PRR5L: variants seen among roughly 807,000 people sequenced by gnomAD.
PRR5L encodes the protein proline-rich protein 5-like.
Under a neutral mutation model 36.4 loss-of-function variants are expected in PRR5L, and 21 were observed. The observed-to-expected ratio is 0.58, with a 90% CI of 0.41 to 0.83. PRR5L has a LOEUF of 0.83. Ranked by LOEUF, PRR5L falls within the 40% of genes least tolerant of loss-of-function variation. The pLI is 0.00. For missense variants in PRR5L, 381 were observed against 473.3 expected (o/e 0.80, Z 1.81); for synonymous variants, 188 against 197.0 (o/e 0.95, Z 0.38).
chr11:36,425,523 C>A, intron 4 of PRR5L: 1 of 152,216 alleles, frequency 6.6e-6, no homozygotes, highest in Admixed American at 6.5e-5. Flanking sequence ...TGTCTTCCTT[C>A]TTCCTTATAA....
chr11:36,328,729 A>G (rs761105929), intron 1 of PRR5L, among the ~76,000 whole-genome samples: 2 of 152,182 alleles, frequency 1.3e-5, no homozygotes, highest in African/African-American at 4.8e-5. Context: ...CTGGGTTGCA[A>G]AACTCCCACA....
At chr11:36,323,633 CA>C (rs1420998064) in intron 1 of PRR5L, among the ~76,000 whole-genome samples, 2 of 152,178 alleles carry the variant, frequency 1.3e-5, no homozygotes, top group East Asian at 3.8e-4. Flanking sequence ...TTTTTGCTGA[CA>C]CTATTTTGAT....
intron 1 of PRR5L, among the ~76,000 whole-genome samples, chr11:36,327,038 A>T (rs897939496): frequency 3.9e-5 from 6 of 152,230 alleles, no homozygotes; most frequent in Non-Finnish European, 7.3e-5. Context: ...CCATTGGACA[A>T]GCAGAATAAT....
intron 1 of PRR5L, among the ~76,000 whole-genome samples, chr11:36,385,706 G>T (rs1172776542): frequency 6.6e-6 from 1 of 152,240 alleles, no homozygotes; most frequent in African/African-American, 2.4e-5. Context: ...GTGAGAGTCA[G>T]TGTTCATTCT....
At chr11:36,441,265 A>AAG (rs893437359) in intron 6 of PRR5L, among the ~76,000 whole-genome samples, 2 of 152,248 alleles carry the variant, frequency 1.3e-5, no homozygotes, top group African/African-American at 4.8e-5. Context: ...TTGTAAAATC[A>AAG]AGAATAAGTT....
At chr11:36,328,193 G>A (rs549474633) in intron 1 of PRR5L, among the ~76,000 whole-genome samples, 6 of 152,232 alleles carry the variant, frequency 3.9e-5, no homozygotes, top group African/African-American at 1.4e-4. Flanking sequence ...AAGAGGGAGA[G>A]AAGAACACTT....
At chr11:36,380,069 C>G (rs1434029686) in intron 1 of PRR5L, among the ~76,000 whole-genome samples, 1 of 152,084 alleles carries the variant, frequency 6.6e-6, no homozygotes, top group Non-Finnish European at 1.5e-5. Flanking sequence ...CCCAGGGTCC[C>G]AAGTTCTCAA....
At chr11:36,345,523 C>T (rs955538584) in intron 1 of PRR5L, among the ~76,000 whole-genome samples, 1 of 152,126 alleles carries the variant, frequency 6.6e-6, no homozygotes, top group Non-Finnish European at 1.5e-5. Context: ...AAAAAACAGA[C>T]ATAGTTTTTG....
At chr11:36,459,133 G>A (rs9630172) in intron 8 of PRR5L, among the ~76,000 whole-genome samples, 12,210 of 152,206 alleles carry the variant, frequency 0.08, 667 homozygotes, top group African/African-American at 0.15. Context: ...AGGCCAGACC[G>A]GTTGCAGTGG....
At position 36,408,281 on chromosome 11, in the gene PRR5L, CAA is replaced by C. The variant is rs67856480; in HGVS notation, c.245+4916_245+4917del. Reference sequence around the variant, plus strand: ...TGGGGGACAGAGAGAGAATTTGTCTCAAAAAAAAAAAAAATCCATCAGAAACG... The same window carrying C: ...TGGGGGACAGAGAGAGAATTTGTCTCAAAAAAAAAAAATCCATCAGAAACG... On this transcript the variant is annotated intron_variant, in intron 3 of 8. Transcript: ENST00000530639. Among the ~76,000 whole-genome samples, 1,213 of 138,440 alleles carry C rather than the reference CAA, an allele frequency of 8.8e-3. 21 individuals carry two copies. The highest frequency in any genetic ancestry group is 0.03 in the African/African-American group (1,144 of 38,558). 90.8% of individuals were successfully genotyped at this position (138,440 alleles called of 152,430 possible). A position where few individuals can be genotyped will look rare whatever the true frequency, so the allele number is the denominator to read the frequency against.
intron 1 of PRR5L, among the ~76,000 whole-genome samples, chr11:36,331,956 G>A (rs1245449502): frequency 1.3e-5 from 2 of 152,048 alleles, no homozygotes; most frequent in East Asian, 3.9e-4. Flanking sequence ...GTTTGACGTT[G>A]GATAGGTTAC....
chr11:36,453,151 G>A (rs1431797084), intron 8 of PRR5L, among the ~76,000 whole-genome samples: 2 of 152,210 alleles, frequency 1.3e-5, no homozygotes, highest in Non-Finnish European at 2.9e-5. Flanking sequence ...ATTGTCTTCA[G>A]TGGTTAACCT....
At chr11:36,395,181 G>A (rs1857633447) in intron 1 of PRR5L, among the ~76,000 whole-genome samples, 1 of 152,134 alleles carries the variant, frequency 6.6e-6, no homozygotes, top group African/African-American at 2.4e-5. Flanking sequence ...CACAAAAGGG[G>A]AAACTCCCTA....
Position 36,434,448 on chromosome 11 carries a change from C to T in PRR5L, c.352+2538C>T, listed in dbSNP as rs1466601243. Reference sequence around the variant, plus strand: ...CTTTGTCGACATCTCCGCTTAGGTACTTACATGTCTATATATACACACCCC... The same window carrying T: ...CTTTGTCGACATCTCCGCTTAGGTATTTACATGTCTATATATACACACCCC... On this transcript the variant is annotated intron_variant, in intron 5 of 8. Transcript: ENST00000530639. Among the ~76,000 whole-genome samples, 4 of 152,318 alleles carry T rather than the reference C, an allele frequency of 2.6e-5. No homozygotes were observed. In the East Asian group the frequency reaches 7.7e-4, roughly 29 times the overall value.
chr11:36,403,066 A>G (rs577984422), intron 2 of PRR5L, among the ~76,000 whole-genome samples: 8 of 152,314 alleles, frequency 5.3e-5, no homozygotes, highest in Admixed American at 5.2e-4. Flanking sequence ...CAGCGAGGTG[A>G]GGGAGGAAGA....
chr11:36,314,452 A>G (rs1234167003), intron 1 of PRR5L, among the ~76,000 whole-genome samples: 3 of 152,182 alleles, frequency 2.0e-5, no homozygotes, highest in Non-Finnish European at 2.9e-5. Context: ...TATTGCACAT[A>G]CTTCAACACA....
At chr11:36,366,574 A>T (rs1320771762) in intron 1 of PRR5L, among the ~76,000 whole-genome samples, 1 of 152,234 alleles carries the variant, frequency 6.6e-6, no homozygotes, top group African/African-American at 2.4e-5. Flanking sequence ...ATAATTTATA[A>T]ATGTGATTTT....
intron 1 of PRR5L, chr11:36,350,105 A>G (rs990795476): frequency 2.8e-5 from 4 of 144,388 alleles, no homozygotes; most frequent in African/African-American, 1.0e-4. Context: ...AGTGGTGACA[A>G]TGAGGGCCCG....
chr11:36,311,369 C>A (rs938069148), intron 1 of PRR5L, among the ~76,000 whole-genome samples: 3 of 152,132 alleles, frequency 2.0e-5, no homozygotes, highest in Non-Finnish European at 4.4e-5. Flanking sequence ...GCCAGGGGAG[C>A]AAATGTCTTG....
Sources: gnomAD v4.1 joint callset for allele counts (sites outside exome capture counted in the v4.1 genomes callset) on GRCh38, gnomAD v4.1.1 for gene constraint, MANE v1.5 for transcripts, NCBI Gene and HGNC (gene_info 2026-07-23, HGNC 2026-07-21) for gene names.